The following TMEM163 variants were observed in gnomAD, a reference collection of about 807,000 sequenced individuals.
The protein encoded by TMEM163 is transmembrane protein 163.
Under a neutral mutation model 29.3 loss-of-function variants are expected in TMEM163, and 17 were observed. The ratio of observed to expected loss-of-function variants is 0.58; its 90% CI spans 0.40 to 0.87. The LOEUF is 0.87. Among genes scored for constraint, TMEM163 ranks in the 40% least tolerant of loss-of-function variants. TMEM163 has a pLI of 0.00. For synonymous variants in TMEM163, 157 were observed against 160.6 expected (o/e 0.98, Z 0.17); for missense variants, 303 against 381.5 (o/e 0.79, Z 1.71).
chr2:134,550,873 C>T (rs1317396808), intron 3 of TMEM163, among the ~76,000 whole-genome samples: 1 of 152,204 alleles, frequency 6.6e-6, no homozygotes, highest in Non-Finnish European at 1.5e-5. Flanking sequence ...GGGCTCTGCT[C>T]CCAGGGCCCC....
chr2:134,475,223 A>G (rs1686888405), intron 5 of TMEM163, among the ~76,000 whole-genome samples: 1 of 152,184 alleles, frequency 6.6e-6, no homozygotes, highest in African/African-American at 2.4e-5. Context: ...TCTCAGATAT[A>G]GTCATTTAGT....
rs146008537 is a variant in TMEM163 at position 134,626,094 on chromosome 2, C to CTTT, written c.323-74006_323-74004dup. ...GAATCTGTTTCCTCTACTTTTCCAG[C>CTTT]TTTTTTTTTTTTTTTTTTTTTTTTT... is the stretch of plus-strand genomic sequence containing the variant. On this transcript the variant is annotated intron_variant, in intron 2 of 7. Transcript: ENST00000281924. 4.7e-4 allele frequency among the ~76,000 whole-genome samples: 31 copies of CTTT among 66,262 alleles called. 3 individuals are homozygous for CTTT. Among genetic ancestry groups the CTTT allele is most frequent in the Admixed American group, 6.4e-4 (3 of 4,700 alleles). 43.5% of individuals were successfully genotyped at this position (66,262 alleles called of 152,430 possible).
At chr2:134,702,471 C>A (rs180724568) in intron 2 of TMEM163, among the ~76,000 whole-genome samples, 160 of 152,098 alleles carry the variant, frequency 1.1e-3, no homozygotes, top group African/African-American at 3.4e-3. Flanking sequence ...AAGGTGAAAC[C>A]GTGTCTCTAC....
intron 2 of TMEM163, among the ~76,000 whole-genome samples, chr2:134,689,072 ACTT>A (rs1008973493): frequency 1.3e-5 from 2 of 151,392 alleles, no homozygotes; most frequent in African/African-American, 4.9e-5. Context: ...GTTTCTTTTT[ACTT>A]CTTTGTTTAA....
At chr2:134,523,269 A>G (rs1259840299) in intron 4 of TMEM163, among the ~76,000 whole-genome samples, 1 of 152,130 alleles carries the variant, frequency 6.6e-6, no homozygotes, top group Middle Eastern at 3.2e-3. Flanking sequence ...TCTGTGTGCT[A>G]TTACTGAACT....
At chr2:134,562,364 A>G (rs1681201303) in intron 2 of TMEM163, among the ~76,000 whole-genome samples, 1 of 152,236 alleles carries the variant, frequency 6.6e-6, no homozygotes, top group Non-Finnish European at 1.5e-5. Flanking sequence ...AGACTGGAAG[A>G]ATCTCTAACC....
At chr2:134,516,782 T>TATATATATGC (rs1418875966) in intron 4 of TMEM163, among the ~76,000 whole-genome samples, 1 of 148,708 alleles carries the variant, frequency 6.7e-6, no homozygotes, top group African/African-American at 2.5e-5. Flanking sequence ...TATCTATTCA[T>TATATATATGC]ATATATATGC....
chr2:134,463,682 C>T (rs1480058862), intron 6 of TMEM163, among the ~76,000 whole-genome samples: 2 of 152,184 alleles, frequency 1.3e-5, no homozygotes, highest in Non-Finnish European at 2.9e-5. Context: ...AGAGGGGTTG[C>T]TTGGCTGAGT....
chr2:134,585,631 A>G (rs969773813), intron 2 of TMEM163, among the ~76,000 whole-genome samples: 4 of 152,060 alleles, frequency 2.6e-5, no homozygotes, highest in East Asian at 1.9e-4. Flanking sequence ...AGTCCCAGCT[A>G]CTAGGGAGGC....
At chr2:134,574,557 T>C (rs1349549399) in intron 2 of TMEM163, among the ~76,000 whole-genome samples, 2 of 152,128 alleles carry the variant, frequency 1.3e-5, no homozygotes, top group Non-Finnish European at 2.9e-5. Flanking sequence ...AGAAACCCTG[T>C]CTCAAAACAA....
intron 2 of TMEM163, among the ~76,000 whole-genome samples, chr2:134,620,460 T>A (rs147010344): frequency 0.015 from 2,357 of 152,252 alleles, 52 homozygotes; most frequent in African/African-American, 0.054. Context: ...TTTCTCCATG[T>A]TGATCAGGCT....
At chr2:134,591,116 A>G (rs1488640646) in intron 2 of TMEM163, among the ~76,000 whole-genome samples, 1 of 152,178 alleles carries the variant, frequency 6.6e-6, no homozygotes, top group Non-Finnish European at 1.5e-5. Context: ...CAAATGAGAC[A>G]CCCATCCCTC....
At chr2:134,684,936 A>AG (rs1159309769) in intron 2 of TMEM163, among the ~76,000 whole-genome samples, 4 of 150,230 alleles carry the variant, frequency 2.7e-5, no homozygotes, top group Admixed American at 2.0e-4. Flanking sequence ...AAAAAAAAAA[A>AG]AAAAGAAAAA....
chr2:134,483,129 T>C (rs2106480173), intron 5 of TMEM163, among the ~76,000 whole-genome samples: 1 of 152,262 alleles, frequency 6.6e-6, no homozygotes, highest in East Asian at 1.9e-4. Flanking sequence ...TGGCTGCCTC[T>C]TCCAAGACAT....
intron 4 of TMEM163, among the ~76,000 whole-genome samples, chr2:134,541,779 C>T (rs1680675574): frequency 1.1e-5 from 1 of 87,262 alleles, no homozygotes; most frequent in African/African-American, 3.8e-5. Flanking sequence ...CGTGCACACA[C>T]ACACACACAC....
At chr2:134,717,414 G>T (rs1573560224) in intron 1 of TMEM163, among the ~76,000 whole-genome samples, 1 of 152,200 alleles carries the variant, frequency 6.6e-6, no homozygotes, top group South Asian at 2.1e-4. Flanking sequence ...TGCAGAATTC[G>T]TTGCCACTGG....
chr2:134,669,027 G>A (rs1394468889), intron 2 of TMEM163, among the ~76,000 whole-genome samples: 2 of 152,120 alleles, frequency 1.3e-5, no homozygotes, highest in Admixed American at 1.3e-4. Context: ...AAGCCAGGGC[G>A]CCCCGTGGCC....
chr2:134,707,841 G>C (rs984119607), intron 2 of TMEM163, among the ~76,000 whole-genome samples: 1 of 151,928 alleles, frequency 6.6e-6, no homozygotes, highest in Admixed American at 6.6e-5. Context: ...CAGTCCTGAG[G>C]AGAAGAAGTT....
rs373998818 is a variant in TMEM163, at chr2:134,547,317, T to C, written c.458+3253A>G. ...AAACTCTCTTTCCCTGAGTATGAAA[T>C]ACCCCATCATATCCACAGTAGGGAT... On this transcript the variant is annotated intron_variant, in intron 4 of 7. Transcript: ENST00000281924. Among the ~76,000 whole-genome samples the C allele has an allele frequency of 1.4e-4, 21 of 152,280 alleles. No individual in the cohort carries two copies. The East Asian group carries it at 2.9e-3, about 21-fold the overall frequency.
Sources: gnomAD v4.1 joint callset for allele counts (sites outside exome capture counted in the v4.1 genomes callset) on GRCh38, gnomAD v4.1.1 for gene constraint, MANE v1.5 for transcripts, NCBI Gene and HGNC (gene_info 2026-07-23, HGNC 2026-07-21) for gene names.